The following NUP88 variants were observed in gnomAD, a reference collection of about 807,000 sequenced individuals.
NUP88 encodes nucleoporin 88, also known as nuclear pore complex protein Nup88.
Under a neutral mutation model 93.9 loss-of-function variants are expected in NUP88, and 57 were observed. That is an observed-to-expected ratio of 0.61 (90% CI 0.49 to 0.76). The LOEUF (loss-of-function observed/expected upper bound fraction) is 0.76, where lower values mean the gene tolerates loss of function less well. Ranked by LOEUF, NUP88 falls within the 30% of genes least tolerant of loss-of-function variation. The pLI, the probability that NUP88 is intolerant of heterozygous loss-of-function variation, is 0.00. For missense variants in NUP88, 911 were observed against 901.0 expected, an observed-to-expected ratio of 1.01 and a Z score of -0.14; for synonymous variants, 346 against 336.8, an observed-to-expected ratio of 1.03 and a Z score of -0.30.
At chr17:5,388,649 T>TCC in intron 11 of NUP88, 153 bp downstream of exon 11, 1 of 638,532 alleles carries the variant, frequency 1.6e-6, no homozygotes, top group Non-Finnish European at 2.5e-6. Context: ...TCCCTCCTGC[T>TCC]CCCCATTCAC....
At chr17:5,392,955 A>AT (rs562039685) in intron 9 of NUP88, among the ~76,000 whole-genome samples, 2,349 of 147,594 alleles carry the variant, frequency 0.016, 14 homozygotes, top group Middle Eastern at 0.045. Flanking sequence ...ACAGTGGCTA[A>AT]TTTTTTTTTT....
intron 16 of NUP88, among the ~76,000 whole-genome samples, 156 bp from the exon 17 acceptor site, chr17:5,386,425 C>A (rs986819825): frequency 1.3e-5 from 2 of 152,208 alleles, no homozygotes; most frequent in African/African-American, 2.4e-5. Flanking sequence ...GTTCACTATT[C>A]ATTTAAGGTG....
chr17:5,415,195 A>C (rs1914068092), intron 2 of NUP88, among the ~76,000 whole-genome samples: 2 of 151,376 alleles, frequency 1.3e-5, no homozygotes, highest in South Asian at 4.2e-4. Context: ...TATTTTTTGT[A>C]TTTTAGTAGA....
chr17:5,404,962 A>C, intron 6 of NUP88, 95 bp downstream of exon 6: 1 of 1,063,882 alleles, frequency 9.4e-7, no homozygotes, highest in Non-Finnish European at 1.3e-6. Flanking sequence ...TCCATAAGTA[A>C]GTTAAAATTC....
intron 8 of NUP88, among the ~76,000 whole-genome samples, chr17:5,396,210 TAA>T (rs890181298): frequency 6.7e-6 from 1 of 149,896 alleles, no homozygotes; most frequent in African/African-American, 2.4e-5. Context: ...AAACTCCGTC[TAA>T]AAAAAAAATT....
At chr17:5,396,816 G>A (rs1243609431) in intron 8 of NUP88, among the ~76,000 whole-genome samples, 2 of 152,006 alleles carry the variant, frequency 1.3e-5, no homozygotes, top group South Asian at 2.1e-4. Flanking sequence ...TTTCATTTTA[G>A]CTATACTAGT....
chr17:5,401,076 T>A (rs1391142831), intron 7 of NUP88, among the ~76,000 whole-genome samples: 8 of 152,014 alleles, frequency 5.3e-5, no homozygotes, highest in Non-Finnish European at 1.0e-4. Flanking sequence ...AATATTTTTA[T>A]TATTAATATT....
At chr17:5,419,206 C>T in intron 1 of NUP88, 148 bp downstream of exon 1, 1 of 870,446 alleles carries the variant, frequency 1.1e-6, no homozygotes, top group Non-Finnish European at 1.6e-6. Flanking sequence ...TCGAGAGAGC[C>T]TGAGTCCCCG....
chr17:5,392,148 TG>T (rs1912481625), intron 9 of NUP88, among the ~76,000 whole-genome samples: 1 of 152,242 alleles, frequency 6.6e-6, no homozygotes, highest in Non-Finnish European at 1.5e-5. Flanking sequence ...AGACCTCAGA[TG>T]GGAACTGTCA....
chr17:5,388,575 A>G (rs1274822371), intron 11 of NUP88: 3 of 413,762 alleles, frequency 7.3e-6, no homozygotes, highest in Middle Eastern at 1.3e-3. Context: ...GGTGTGAGCC[A>G]CCACGCCCGG....
At chr17:5,410,659 T>A (rs754511045) in intron 4 of NUP88, 44 bp downstream of exon 4, 28 of 1,188,698 alleles carry the variant, frequency 2.4e-5, no homozygotes, top group Non-Finnish European at 3.2e-5. Flanking sequence ...ATAATCCCAA[T>A]AAGCTAATTA....
chr17:5,416,180 T>TATATAC (rs1374990658), intron 2 of NUP88, among the ~76,000 whole-genome samples: 11,216 of 107,120 alleles, frequency 0.1, 871 homozygotes, highest in East Asian at 0.35. Flanking sequence ...TATATATATA[T>TATATAC]ACACACATAC....
At chr17:5,397,513 G>A (rs1383738145) in intron 8 of NUP88, among the ~76,000 whole-genome samples, 10 of 152,170 alleles carry the variant, frequency 6.6e-5, no homozygotes, top group Middle Eastern at 3.2e-3. Context: ...ACAAGCCAAG[G>A]AATGTGGCAG....
At chr17:5,401,426 TAC>T (rs574373154) in intron 7 of NUP88, among the ~76,000 whole-genome samples, 174 of 151,852 alleles carry the variant, frequency 1.1e-3, no homozygotes, top group Middle Eastern at 3.4e-3. Context: ...TAAAACAAAA[TAC>T]AGAGATAAGG....
At chr17:5,407,024 T>C (rs796709696) in intron 5 of NUP88, among the ~76,000 whole-genome samples, 36 of 152,254 alleles carry the variant, frequency 2.4e-4, no homozygotes, top group African/African-American at 8.2e-4. Context: ...AAATGAGGGC[T>C]CAGCAGCAAG....
Position 5,404,194 on chromosome 17 carries a change from A to T in NUP88, c.1097T>A (p.Phe366Tyr). The T allele has an allele frequency of 6.2e-7, 1 of 1,614,124 alleles. No individual in the cohort carries two copies. The highest frequency in any genetic ancestry group is 8.5e-7 in the Non-Finnish European group (1 of 1,179,962). Reference protein sequence around the residue: ...RIDLIPSLYVFECVELELALK... With the variant: ...RIDLIPSLYVYECVELELALK... ...AGCAAGCTCCAACTCAACACATTCA[A>T]ACACATACAGAGAAGGAATGAGGTC... The change falls in exon 7 of 17, where the codon TTT (phenylalanine) becomes TAT (tyrosine). Residue 366 changes from phenylalanine to tyrosine, a missense_variant. By Grantham distance (22) the Phe-to-Tyr change is conservative (BLOSUM62 3). Transcript: ENST00000573584.
rs1459614541 is a variant in NUP88, at chr17:5,387,425, T to C, written c.1877A>G (p.Tyr626Cys). The C allele has an allele frequency of 6.2e-7, 1 of 1,614,172 alleles. No individual in the cohort carries two copies. Among genetic ancestry groups the C allele is most frequent in the Non-Finnish European group, 8.5e-7 (1 of 1,180,020 alleles). ...CTCTTGTTTTTCTTTAGCTTCCTCA[T>C]ATTTGTCAGCTAAACGCTCAGCCAT... The part of the protein sequence containing the change: ...REMAERLADK[Y>C]EEAKEKQEDI... Residue 626 changes from tyrosine to cysteine, a missense_variant, in exon 14 of 17, where the codon TAT becomes TGT. By Grantham distance (194) the Tyr-to-Cys change is radical. Transcript: ENST00000573584.
intron 8 of NUP88, among the ~76,000 whole-genome samples, chr17:5,397,667 C>G (rs1022747348): frequency 2.0e-5 from 3 of 152,218 alleles, no homozygotes; most frequent in Non-Finnish European, 4.4e-5. Context: ...TTTTAAGCCA[C>G]TAAGTCTGTG....
intron 3 of NUP88, 47 bp downstream of exon 3, chr17:5,413,962 A>T (rs540369271): frequency 1.2e-6 from 2 of 1,601,232 alleles, no homozygotes; most frequent in East Asian, 4.5e-5. Flanking sequence ...AAACAGAAAC[A>T]GAGCTTTCCC....
Sources: gnomAD v4.1 joint callset for allele counts (sites outside exome capture counted in the v4.1 genomes callset) on GRCh38, gnomAD v4.1.1 for gene constraint, MANE v1.5 for transcripts, NCBI Gene and HGNC (gene_info 2026-07-23, HGNC 2026-07-21) for gene names.